TRIM71: variants seen among roughly 807,000 people sequenced by gnomAD.
The protein encoded by TRIM71 is E3 ubiquitin-protein ligase TRIM71.
TRIM71 carries 9 observed loss-of-function variants against 61.2 expected under a neutral mutation model. The observed-to-expected ratio is 0.15, with a 90% CI of 0.09 to 0.26. The LOEUF is 0.26. Among genes scored for constraint, TRIM71 ranks in the 10% least tolerant of loss-of-function variants. The pLI is 1.00. For synonymous variants in TRIM71, 645 were observed against 553.2 expected, an observed-to-expected ratio of 1.17 and a Z score of -2.33; for missense variants, 998 against 1,238.7, an observed-to-expected ratio of 0.81 and a Z score of 2.92.
At chr3:32,872,814 G>A (rs1171690192) in intron 1 of TRIM71, among the ~76,000 whole-genome samples, 1 of 152,200 alleles carries the variant, frequency 6.6e-6, no homozygotes, top group East Asian at 1.9e-4. Context: ...TGTGGGTGTT[G>A]TATTTGTATA....
intron 1 of TRIM71, among the ~76,000 whole-genome samples, chr3:32,848,820 G>C (rs974650853): frequency 1.3e-5 from 2 of 152,000 alleles, no homozygotes; most frequent in African/African-American, 4.8e-5. Context: ...GAGGTCACAG[G>C]ACAACCAGAA....
chr3:32,860,479 C>T (rs1696655155), intron 1 of TRIM71, among the ~76,000 whole-genome samples: 2 of 152,014 alleles, frequency 1.3e-5, no homozygotes, highest in African/African-American at 2.4e-5. Flanking sequence ...TTTAAAAAGG[C>T]CTTTAAATTT....
At chr3:32,868,789 T>G (rs78004763) in intron 1 of TRIM71, among the ~76,000 whole-genome samples, 1 of 152,036 alleles carries the variant, frequency 6.6e-6, no homozygotes, top group Non-Finnish European at 1.5e-5. Context: ...CACTCCCTCC[T>G]CATACTCCCA....
chr3:32,832,102 G>A (rs181454424), intron 1 of TRIM71, among the ~76,000 whole-genome samples: 1 of 148,490 alleles, frequency 6.7e-6, no homozygotes, highest in Admixed American at 6.7e-5. Flanking sequence ...AATTGTGGTG[G>A]GGGGGGATTC....
At chr3:32,863,824 G>A (rs1696700875) in intron 1 of TRIM71, among the ~76,000 whole-genome samples, 1 of 152,096 alleles carries the variant, frequency 6.6e-6, no homozygotes, top group South Asian at 2.1e-4. Flanking sequence ...TGGAACCACA[G>A]GTGCCCACCA....
intron 1 of TRIM71, among the ~76,000 whole-genome samples, chr3:32,830,114 G>GGT (rs1696253004): frequency 6.6e-6 from 1 of 151,656 alleles, no homozygotes; most frequent in Non-Finnish European, 1.5e-5. Flanking sequence ...GTAGAGATGG[G>GGT]GTTTCACCAT....
At position 32,892,552 on chromosome 3, in the gene TRIM71, A is replaced by G. The variant is rs988287842; in HGVS notation, c.*741A>G. ...GACCCTTCATATTTTAGGGTATATA[A>G]TCTTTGTTTCTTTTAAGGGAGGGTG... On this transcript the variant is annotated 3_prime_UTR_variant, in exon 4 of 4. Coordinates refer to ENST00000383763, the MANE Select transcript of TRIM71 (RefSeq NM_001039111.3). 5 of 152,098 alleles carry G rather than the reference A, an allele frequency of 3.3e-5. No individual in the cohort carries two copies. Among genetic ancestry groups the G allele is most frequent in the Admixed American group, 3.3e-4 (5 of 15,254 alleles). 9.4% of individuals were successfully genotyped at this position (152,098 alleles called of 1,614,324 possible). A position where few individuals can be genotyped will look rare whatever the true frequency, so the allele number is the denominator to read the frequency against.
chr3:32,860,666 C>T (rs1386320782), intron 1 of TRIM71, among the ~76,000 whole-genome samples: 1 of 152,146 alleles, frequency 6.6e-6, no homozygotes, highest in East Asian at 1.9e-4. Context: ...GCCTAGATCA[C>T]AGCCGTGGGG....
intron 1 of TRIM71, among the ~76,000 whole-genome samples, chr3:32,821,175 G>A (rs1053923368): frequency 6.6e-6 from 1 of 152,094 alleles, no homozygotes; most frequent in Non-Finnish European, 1.5e-5. Flanking sequence ...TCCCTCTCTG[G>A]CTGGGAAGGA....
rs1173163557 is a variant in TRIM71 at position 32,890,554 on chromosome 3, C to T, written c.1350C>T (p.Leu450=). Residue 450 remains leucine (L), a synonymous_variant, in exon 4 of 4, where the codon CTC becomes CTT. Transcript: ENST00000383763. This position sits in a 1 kb window ranked among gnomAD's most constrained non-coding sequence, Gnocchi z 6.2. Reference sequence around the variant, plus strand: ...AGGAGCTGAAGACCGTGCGGAGCCTCCTGCAGCCCCAGGAAGACGACCGAG... The same window carrying T: ...AGGAGCTGAAGACCGTGCGGAGCCTTCTGCAGCCCCAGGAAGACGACCGAG... ...QVQELKTVRS[L]LQPQEDDRVM... 1.2e-6 allele frequency: 2 copies of T among 1,614,038 alleles called. No homozygotes were observed. Among genetic ancestry groups the T allele is most frequent in the South Asian group, 1.1e-5 (1 of 91,086 alleles).
intron 1 of TRIM71, among the ~76,000 whole-genome samples, chr3:32,823,263 A>G (rs1219422004): frequency 6.6e-6 from 1 of 152,244 alleles, no homozygotes; most frequent in African/African-American, 2.4e-5. Flanking sequence ...TAGTTCCATT[A>G]AAGTGCATAG....
rs187937250 is a variant in TRIM71, at chr3:32,889,877, C to T, written c.1156-483C>T. The stretch of plus-strand genomic sequence containing the variant: ...AAGTGCTGGGATTAGAGGCATGAGG[C>T]GTGCGTGTATGTGTGTGTGTGTGTA... On this transcript the variant is annotated intron_variant, in intron 3 of 3. Transcript: ENST00000383763. Among the ~76,000 whole-genome samples, 137 of 149,414 alleles carry T rather than the reference C, an allele frequency of 9.2e-4. 2 individuals are homozygous for T. The highest frequency in any genetic ancestry group is 3.2e-3 in the African/African-American group (132 of 40,624).
At chr3:32,854,836 A>G (rs186842900) in intron 1 of TRIM71, among the ~76,000 whole-genome samples, 4 of 152,266 alleles carry the variant, frequency 2.6e-5, no homozygotes, top group East Asian at 1.9e-4. Context: ...TGTGCCAGAC[A>G]CTTAGATGCT....
Position 32,818,656 on chromosome 3 carries a change from G to C in TRIM71, c.576G>C (p.Leu192=). ...GGPAASPSAL[L]LRRPHGCSSC... is the part of the protein sequence containing the mutation. Reference sequence around the variant, plus strand: ...CTGCCGCTTCCCCGTCGGCGCTGCTGCTCCGCCGTCCTCACGGCTGCAGCT... The same window carrying C: ...CTGCCGCTTCCCCGTCGGCGCTGCTCCTCCGCCGTCCTCACGGCTGCAGCT... Residue 192 remains leucine (L), a synonymous_variant, in exon 1 of 4, where the codon CTG becomes CTC. Coordinates refer to ENST00000383763, the MANE Select transcript of TRIM71 (RefSeq NM_001039111.3). 6.6e-7 allele frequency: 1 copy of C among 1,504,614 alleles called. No individual in the cohort carries two copies. Among genetic ancestry groups the C allele is most frequent in the East Asian group, 2.7e-5 (1 of 36,646 alleles). 93.2% of individuals were successfully genotyped at this position (1,504,614 alleles called of 1,614,324 possible). A position where few individuals can be genotyped will look rare whatever the true frequency, so the allele number is the denominator to read the frequency against.
chr3:32,828,774 C>T (rs576699490), intron 1 of TRIM71, among the ~76,000 whole-genome samples: 7 of 152,132 alleles, frequency 4.6e-5, no homozygotes, highest in Non-Finnish European at 8.8e-5. Flanking sequence ...GCTGGGATTA[C>T]AGGCGTGAGC....
At chr3:32,827,940 G>A (rs116576576) in intron 1 of TRIM71, among the ~76,000 whole-genome samples, 15 of 152,244 alleles carry the variant, frequency 9.9e-5, no homozygotes, top group African/African-American at 2.6e-4. Context: ...TGGGGAAGTC[G>A]TTTCATACTC....
In TRIM71 at chr3:32,868,789, T is replaced by C. The variant is rs78004763; in HGVS notation, c.853-5029T>C. 0.016 allele frequency among the ~76,000 whole-genome samples: 2,426 copies of C among 152,144 alleles called. 167 individuals are homozygous for C. The East Asian group carries it at 0.24, about 15-fold the overall frequency. ...AAAGTGTTTTGGAAACACTCCCTCC[T>C]CATACTCCCACCACAGAAAGGATAA... On this transcript the variant is annotated intron_variant, in intron 1 of 3. Coordinates refer to ENST00000383763, the MANE Select transcript of TRIM71 (RefSeq NM_001039111.3).
At chr3:32,847,028 T>C (rs1436337700) in intron 1 of TRIM71, among the ~76,000 whole-genome samples, 1 of 152,090 alleles carries the variant, frequency 6.6e-6, no homozygotes, top group East Asian at 1.9e-4. Context: ...TGCTGGATCA[T>C]GTGGAAGTTC....
intron 1 of TRIM71, among the ~76,000 whole-genome samples, chr3:32,839,672 T>TG (rs1559540145): frequency 4.6e-5 from 1 of 21,616 alleles, no homozygotes; most frequent in Admixed American, 5.0e-4. Flanking sequence ...GGGGGGGGGG[T>TG]GGGGGTGGGG....
Sources: gnomAD v4.1 joint callset for allele counts (sites outside exome capture counted in the v4.1 genomes callset) on GRCh38, gnomAD v4.1.1 for gene constraint, Gnocchi (gnomAD v3.1) non-coding constraint, MANE v1.5 for transcripts, NCBI Gene and HGNC (gene_info 2026-07-23, HGNC 2026-07-21) for gene names.